The following EIPR1 variants were observed in gnomAD, a reference collection of about 807,000 sequenced individuals.
EIPR1 encodes EARP complex and GARP complex interacting protein 1.
EIPR1 carries 25 observed loss-of-function variants against 48.1 expected under a neutral mutation model. The observed-to-expected ratio is 0.52, with a 90% CI of 0.38 to 0.73. EIPR1 has a LOEUF of 0.73. EIPR1 is among the 30% of genes least tolerant of loss of function. EIPR1 has a pLI of 0.00. For missense variants in EIPR1, 415 were observed against 506.2 expected, an observed-to-expected ratio of 0.82 and a Z score of 1.73; for synonymous variants, 204 against 201.9, an observed-to-expected ratio of 1.01 and a Z score of -0.09.
intron 2 of EIPR1, among the ~76,000 whole-genome samples, chr2:3,345,918 G>T (rs1428371323): frequency 6.6e-6 from 1 of 152,150 alleles, no homozygotes. Flanking sequence ...GCACACATAT[G>T]ACTTGCTCTT....
At chr2:3,309,881 C>A (rs566103440) in intron 3 of EIPR1, among the ~76,000 whole-genome samples, 1 of 152,172 alleles carries the variant, frequency 6.6e-6, no homozygotes, top group Admixed American at 6.5e-5. Flanking sequence ...AGGAAAGAGA[C>A]GGTGGTGTGG....
chr2:3,366,222 C>T (rs1401704864), intron 1 of EIPR1, among the ~76,000 whole-genome samples: 1 of 152,164 alleles, frequency 6.6e-6, no homozygotes, highest in African/African-American at 2.4e-5. Context: ...GCAGGAGAAT[C>T]GCTTGAACCC....
intron 2 of EIPR1, among the ~76,000 whole-genome samples, chr2:3,348,256 G>A (rs1236575030): frequency 6.6e-6 from 1 of 152,142 alleles, no homozygotes; most frequent in Non-Finnish European, 1.5e-5. Context: ...TTTCACTGAC[G>A]AGGACCCTGG....
chr2:3,218,806 C>T (rs1156704836), intron 4 of EIPR1, among the ~76,000 whole-genome samples: 15 of 148,150 alleles, frequency 1.0e-4, no homozygotes, highest in African/African-American at 2.3e-4. Context: ...ACACCCAACA[C>T]GGCCCTGATA....
At chr2:3,210,783 A>AC (rs1420701875) in intron 5 of EIPR1, among the ~76,000 whole-genome samples, 2 of 152,044 alleles carry the variant, frequency 1.3e-5, no homozygotes, top group Non-Finnish European at 2.9e-5. Context: ...GGCACGTGCC[A>AC]CCACGCCTGG....
intron 3 of EIPR1, chr2:3,319,880 GTGGACAACAC>G (rs1209014367): frequency 0.074 from 6,014 of 81,236 alleles, 790 homozygotes; most frequent in East Asian, 0.31. Context: ...CACCACCCCT[GTGGACAACAC>G]CGCACCTGTG....
At chr2:3,330,779 G>A (rs541427728) in intron 3 of EIPR1, among the ~76,000 whole-genome samples, 15 of 149,644 alleles carry the variant, frequency 1.0e-4, no homozygotes, top group South Asian at 6.4e-4. Flanking sequence ...AGAGGCAAGC[G>A]CATGTACACT....
intron 4 of EIPR1, among the ~76,000 whole-genome samples, chr2:3,215,124 C>T (rs1665587585): frequency 1.3e-5 from 2 of 152,194 alleles, no homozygotes; most frequent in African/African-American, 4.8e-5. Context: ...TTATGGCAGC[C>T]CAAGCTAAGA....
At chr2:3,203,899 G>A (rs1012216422) in intron 5 of EIPR1, among the ~76,000 whole-genome samples, 1 of 152,216 alleles carries the variant, frequency 6.6e-6, no homozygotes, top group Non-Finnish European at 1.5e-5. Flanking sequence ...AGCCACATCC[G>A]ACCAGCAGCA....
At chr2:3,266,295 A>G (rs530414272) in intron 3 of EIPR1, among the ~76,000 whole-genome samples, 6 of 152,312 alleles carry the variant, frequency 3.9e-5, no homozygotes, top group Admixed American at 1.3e-4. Context: ...CTATTTTTAG[A>G]GCCCGCAGCC....
intron 5 of EIPR1, chr2:3,208,677 A>G (rs1035201997): frequency 1.9e-6 from 3 of 1,550,448 alleles, no homozygotes; most frequent in African/African-American, 2.7e-5. Context: ...GTCATAACTC[A>G]ACCCCAATTC....
chr2:3,227,741 G>A (rs955722131), intron 4 of EIPR1, among the ~76,000 whole-genome samples: 1 of 152,238 alleles, frequency 6.6e-6, no homozygotes, highest in African/African-American at 2.4e-5. Flanking sequence ...CCCCTGCTCT[G>A]TGCAGCCTTG....
At chr2:3,299,242 C>A (rs1013131561) in intron 3 of EIPR1, among the ~76,000 whole-genome samples, 1 of 152,192 alleles carries the variant, frequency 6.6e-6, no homozygotes, top group Admixed American at 6.5e-5. Flanking sequence ...TGGACTGCCC[C>A]CTGTCCTGGA....
intron 3 of EIPR1, among the ~76,000 whole-genome samples, chr2:3,267,700 C>T (rs1476218515): frequency 6.6e-6 from 1 of 152,246 alleles, no homozygotes; most frequent in Non-Finnish European, 1.5e-5. Flanking sequence ...AAGACTCAGG[C>T]CTGGGGCCAA....
intron 2 of EIPR1, among the ~76,000 whole-genome samples, chr2:3,344,888 TTAA>T (rs1388799076): frequency 2.6e-5 from 4 of 152,054 alleles, no homozygotes; most frequent in Admixed American, 6.6e-5. Context: ...TCTAACATAC[TTAA>T]TAACTCTTTT....
intron 4 of EIPR1, among the ~76,000 whole-genome samples, chr2:3,219,059 C>A (rs1558231083): frequency 6.6e-6 from 1 of 151,406 alleles, no homozygotes; most frequent in Admixed American, 6.6e-5. Flanking sequence ...CAGGTGCACA[C>A]CCAACACGGC....
At chr2:3,371,814 A>T (rs950228439) in intron 1 of EIPR1, among the ~76,000 whole-genome samples, 4 of 152,212 alleles carry the variant, frequency 2.6e-5, no homozygotes, top group African/African-American at 7.2e-5. Flanking sequence ...TCAACATTAG[A>T]CAGATCAACG....
chr2:3,310,961 T>C (rs1344824247), intron 3 of EIPR1, among the ~76,000 whole-genome samples: 6 of 152,146 alleles, frequency 3.9e-5, no homozygotes, highest in Non-Finnish European at 7.3e-5. Context: ...TTCTTGAAAC[T>C]TGATTCTGAA....
rs150485934 is a variant in EIPR1 at position 3,289,635 on chromosome 2, C to T, written c.260-32180G>A. On this transcript the variant is annotated intron_variant, in intron 3 of 8. Coordinates refer to ENST00000382125, the MANE Select transcript of EIPR1 (RefSeq NM_003310.5). ...ACCATGTCTAAAATGAGCCCCAGGG[C>T]TTTGAATCCCGTAGGGTGTGTCAAC... Among the ~76,000 whole-genome samples the T allele has an allele frequency of 7.2e-4, 110 of 152,320 alleles. 1 individual carries two copies. Among genetic ancestry groups the T allele is most frequent in the African/African-American group, 2.3e-3 (96 of 41,576 alleles).
Sources: gnomAD v4.1 joint callset for allele counts (sites outside exome capture counted in the v4.1 genomes callset) on GRCh38, gnomAD v4.1.1 for gene constraint, MANE v1.5 for transcripts, NCBI Gene and HGNC (gene_info 2026-07-23, HGNC 2026-07-21) for gene names.